The following SUPT3H variants were observed in gnomAD, a reference collection of about 807,000 sequenced individuals.
The protein encoded by SUPT3H is transcription initiation protein SPT3 homolog.
SUPT3H carries 44 observed loss-of-function variants against 44.3 expected under a neutral mutation model. The observed-to-expected ratio is 0.99, with a 90% confidence interval of 0.78 to 1.28. The LOEUF (loss-of-function observed/expected upper bound fraction) is 1.28. Among genes scored for constraint, SUPT3H ranks in the 50% most tolerant of loss-of-function variants. SUPT3H has a pLI of 0.00. For synonymous variants in SUPT3H, 124 were observed against 125.6 expected (o/e 0.99, Z 0.09); for missense variants, 380 against 387.1 (o/e 0.98, Z 0.15).
chr6:44,954,372 C>G (rs1774786387), intron 8 of SUPT3H, 123 bp downstream of exon 8: 1 of 765,626 alleles, frequency 1.3e-6, no homozygotes, highest in South Asian at 1.5e-5. Context: ...GATGTAAATG[C>G]CACAGGAGAG....
intron 2 of SUPT3H, among the ~76,000 whole-genome samples, chr6:45,123,114 A>T (rs1257802037): frequency 6.6e-6 from 1 of 152,160 alleles, no homozygotes; most frequent in Non-Finnish European, 1.5e-5. Flanking sequence ...CTTAATTTAC[A>T]TATAAACTTA....
rs556282635 is a variant in SUPT3H, at chr6:45,198,667, A to G, written c.102-92661T>C. The stretch of plus-strand genomic sequence containing the variant: ...TTGATATAAGTTAATTTTTAAGAAA[A>G]TTAGTTTGATCCAGGGTTATTTATA... On this transcript the variant is annotated intron_variant, in intron 2 of 10. Coordinates refer to ENST00000371459, the MANE Select transcript of SUPT3H (RefSeq NM_003599.4). 2.0e-5 allele frequency among the ~76,000 whole-genome samples: 3 copies of G among 151,366 alleles called. No individual in the cohort carries two copies. In the South Asian group the frequency reaches 6.2e-4, roughly 31 times the overall value.
rs538410550 is a variant in SUPT3H at position 45,165,418 on chromosome 6, T to C, written c.102-59412A>G. ...CAGGAGTAAACACTCTTTAGCACAA[T>C]CTATACTGTTCATTTAAAAGCATTA... is the stretch of plus-strand genomic sequence containing the variant. On this transcript the variant is annotated intron_variant, in intron 2 of 10. Transcript: ENST00000371459. Among the ~76,000 whole-genome samples, 5 of 152,290 alleles carry C rather than the reference T, an allele frequency of 3.3e-5. 1 individual carries two copies. The South Asian group carries it at 1.0e-3, about 32-fold the overall frequency.
At chr6:45,130,152 T>C (rs896590242) in intron 2 of SUPT3H, among the ~76,000 whole-genome samples, 1 of 152,076 alleles carries the variant, frequency 6.6e-6, no homozygotes, top group Non-Finnish European at 1.5e-5. Flanking sequence ...AAAAAGAAAC[T>C]CTCTACCCAT....
chr6:45,069,445 G>T (rs1364746239), intron 3 of SUPT3H, among the ~76,000 whole-genome samples: 4 of 152,142 alleles, frequency 2.6e-5, no homozygotes, highest in Non-Finnish European at 5.9e-5. Flanking sequence ...AAAAAGGATG[G>T]ATCTGTGGTC....
At chr6:45,245,620 T>A (rs1006494377) in intron 2 of SUPT3H, among the ~76,000 whole-genome samples, 10 of 152,248 alleles carry the variant, frequency 6.6e-5, no homozygotes, top group Admixed American at 2.0e-4. Context: ...AAAATTTAAT[T>A]CCTTTGTAAA....
chr6:45,192,815 TAAAG>T (rs1815364412), intron 2 of SUPT3H, among the ~76,000 whole-genome samples: 1 of 152,034 alleles, frequency 6.6e-6, no homozygotes, highest in East Asian at 1.9e-4. Context: ...CTACAACAAA[TAAAG>T]AAAATCAGAA....
intron 2 of SUPT3H, among the ~76,000 whole-genome samples, chr6:45,335,093 A>C (rs1458587947): frequency 4.0e-5 from 6 of 151,272 alleles, no homozygotes; most frequent in Admixed American, 4.0e-4. Context: ...GAAGCTAAAC[A>C]GGTATATTTT....
chr6:44,895,822 T>C (rs1254141092), intron 10 of SUPT3H, among the ~76,000 whole-genome samples: 4 of 152,106 alleles, frequency 2.6e-5, no homozygotes, highest in East Asian at 3.9e-4. Context: ...CTGTATAATG[T>C]AAAATGAAGT....
intron 6 of SUPT3H, among the ~76,000 whole-genome samples, chr6:44,977,912 T>C (rs1029379394): frequency 4.6e-5 from 7 of 152,294 alleles, no homozygotes; most frequent in African/African-American, 1.7e-4. Context: ...AACCCTCAGA[T>C]TGCGCTACAT....
intron 2 of SUPT3H, among the ~76,000 whole-genome samples, chr6:45,275,112 T>C (rs1402764718): frequency 6.6e-6 from 1 of 152,206 alleles, no homozygotes; most frequent in African/African-American, 2.4e-5. Context: ...TCATAAGCGA[T>C]AGTAGTGTAC....
At chr6:44,959,141 C>T (rs1056615369) in intron 7 of SUPT3H, among the ~76,000 whole-genome samples, 13 of 152,002 alleles carry the variant, frequency 8.6e-5, no homozygotes, top group African/African-American at 1.4e-4. Flanking sequence ...CCACCTGCCT[C>T]GGTCTCCCAA....
At chr6:45,175,428 G>C (rs547075704) in intron 2 of SUPT3H, among the ~76,000 whole-genome samples, 5 of 152,272 alleles carry the variant, frequency 3.3e-5, no homozygotes, top group Admixed American at 1.3e-4. Flanking sequence ...GGGGGATCAC[G>C]AGAACAGCAT....
chr6:45,184,212 G>C (rs770459368), intron 2 of SUPT3H, among the ~76,000 whole-genome samples: 2 of 152,168 alleles, frequency 1.3e-5, no homozygotes, highest in Admixed American at 6.5e-5. Flanking sequence ...TTTAGAAACA[G>C]TGTGATGATT....
At chr6:45,139,831 A>G (rs1212437398) in intron 2 of SUPT3H, among the ~76,000 whole-genome samples, 1 of 152,164 alleles carries the variant, frequency 6.6e-6, no homozygotes, top group African/African-American at 2.4e-5. Flanking sequence ...GGAGGCGGTC[A>G]CAGGGTGAAC....
At chr6:45,123,753 T>C (rs892926518) in intron 2 of SUPT3H, among the ~76,000 whole-genome samples, 3 of 152,160 alleles carry the variant, frequency 2.0e-5, no homozygotes, top group Non-Finnish European at 4.4e-5. Context: ...AAGGTCTCTT[T>C]TGCACAATGG....
At chr6:45,219,046 A>C (rs1342316508) in intron 2 of SUPT3H, among the ~76,000 whole-genome samples, 1 of 152,194 alleles carries the variant, frequency 6.6e-6, no homozygotes, top group Non-Finnish European at 1.5e-5. Flanking sequence ...TCTAAAACTC[A>C]TAAAACTGAA....
chr6:45,129,909 C>T (rs1035150236), intron 2 of SUPT3H, among the ~76,000 whole-genome samples: 2 of 151,964 alleles, frequency 1.3e-5, no homozygotes, highest in Non-Finnish European at 2.9e-5. Flanking sequence ...TCAAAACACA[C>T]ACAAAAAAGG....
intron 2 of SUPT3H, among the ~76,000 whole-genome samples, chr6:45,125,608 G>T (rs539792506): frequency 6.6e-6 from 1 of 152,138 alleles, no homozygotes; most frequent in Admixed American, 6.5e-5. Flanking sequence ...TGATTTCAGG[G>T]ATAGTTATGA....
Sources: gnomAD v4.1 joint callset for allele counts (sites outside exome capture counted in the v4.1 genomes callset) on GRCh38, gnomAD v4.1.1 for gene constraint, MANE v1.5 for transcripts, NCBI Gene and HGNC (gene_info 2026-07-23, HGNC 2026-07-21) for gene names.